Variants in SPMIP2 observed in about 807,000 individuals in gnomAD.
SPMIP2 encodes the protein protein SPMIP2.
chr4:158,957,077 G>A, the SPMIP2 span, among the ~76,000 whole-genome samples: 1 of 151,644 alleles, frequency 6.6e-6, no homozygotes, highest in Non-Finnish European at 1.5e-5. Flanking sequence ...GATTACAGGT[G>A]TGAGCCACCA....
chr4:158,974,945 T>C, the SPMIP2 span, among the ~76,000 whole-genome samples: 1 of 152,190 alleles, frequency 6.6e-6, no homozygotes, highest in African/African-American at 2.4e-5. Flanking sequence ...AGCATTCCTA[T>C]TTCTCAACAT....
chr4:158,997,065 C>A, the SPMIP2 span, among the ~76,000 whole-genome samples: 1 of 152,186 alleles, frequency 6.6e-6, no homozygotes, highest in Admixed American at 6.5e-5. Context: ...AGAAAACACA[C>A]ACACACAAAC....
the SPMIP2 span, among the ~76,000 whole-genome samples, chr4:159,056,328 T>G: frequency 1.8e-4 from 28 of 152,264 alleles, 1 homozygote; most frequent in South Asian, 1.2e-3. Context: ...TTTGTATGCC[T>G]GTTTGGAGGG....
the SPMIP2 span, among the ~76,000 whole-genome samples, chr4:159,076,700 C>T: frequency 6.6e-5 from 10 of 152,150 alleles, no homozygotes; most frequent in South Asian, 2.1e-3. Context: ...TAGAGTCTTG[C>T]TCTGTTGCCC....
At chr4:159,005,930 A>G in the SPMIP2 span, among the ~76,000 whole-genome samples, 1 of 152,144 alleles carries the variant, frequency 6.6e-6, no homozygotes, top group South Asian at 2.1e-4. Context: ...ACGCCCAGCT[A>G]ATCTTTGTAT....
At chr4:158,995,546 CA>C in the SPMIP2 span, among the ~76,000 whole-genome samples, 1 of 152,112 alleles carries the variant, frequency 6.6e-6, no homozygotes, top group Non-Finnish European at 1.5e-5. Flanking sequence ...ATCTAAAGAC[CA>C]TGCTCACCTC....
the SPMIP2 span, among the ~76,000 whole-genome samples, chr4:159,033,108 T>C: frequency 6.6e-6 from 1 of 152,168 alleles, no homozygotes; most frequent in Non-Finnish European, 1.5e-5. Flanking sequence ...TGAAATATTA[T>C]TCAGTGGTAA....
the SPMIP2 span, among the ~76,000 whole-genome samples, chr4:158,946,464 T>C: frequency 6.6e-6 from 1 of 152,162 alleles, no homozygotes; most frequent in Non-Finnish European, 1.5e-5. Context: ...GTTTCCCCCA[T>C]GCTATTCTTG....
chr4:158,944,016 T>C, the SPMIP2 span, among the ~76,000 whole-genome samples: 49 of 151,822 alleles, frequency 3.2e-4, 1 homozygote. Context: ...CCACCATGCC[T>C]GGCTAATTTT....
chr4:159,003,534 G>A, the SPMIP2 span, among the ~76,000 whole-genome samples: 1 of 152,134 alleles, frequency 6.6e-6, no homozygotes, highest in East Asian at 1.9e-4. Flanking sequence ...CCTCATGTCT[G>A]TATCTTCTAC....
the SPMIP2 span, among the ~76,000 whole-genome samples, chr4:158,941,435 T>C: frequency 6.6e-6 from 1 of 152,180 alleles, no homozygotes; most frequent in Non-Finnish European, 1.5e-5. Context: ...GGTAGGAGGA[T>C]TGCTTGAGGC....
chr4:158,991,679 T>A, the SPMIP2 span, among the ~76,000 whole-genome samples: 2 of 152,332 alleles, frequency 1.3e-5, no homozygotes, highest in African/African-American at 4.8e-5. Context: ...AGAACTACTT[T>A]GATAAAGCAT....
chr4:158,923,134 G>A, the SPMIP2 span, among the ~76,000 whole-genome samples: 1 of 152,102 alleles, frequency 6.6e-6, no homozygotes, highest in African/African-American at 2.4e-5. Context: ...CTATCTTTAT[G>A]CCAGTACCAT....
At chr4:158,947,936 C>T in the SPMIP2 span, among the ~76,000 whole-genome samples, 1 of 152,204 alleles carries the variant, frequency 6.6e-6, no homozygotes, top group Non-Finnish European at 1.5e-5. Flanking sequence ...AATTTAGATA[C>T]ATGTAGATAA....
chr4:159,023,210 A>G, the SPMIP2 span, among the ~76,000 whole-genome samples: 1 of 152,020 alleles, frequency 6.6e-6, no homozygotes, highest in Non-Finnish European at 1.5e-5. Flanking sequence ...TGAATTGGTA[A>G]ACTGAGGACA....
At chr4:159,065,696 A>G in the SPMIP2 span, among the ~76,000 whole-genome samples, 1 of 152,212 alleles carries the variant, frequency 6.6e-6, no homozygotes. Flanking sequence ...ACTAAATTCA[A>G]CTAGAAACAT....
chr4:158,926,473 A>T, the SPMIP2 span, among the ~76,000 whole-genome samples: 1 of 152,060 alleles, frequency 6.6e-6, no homozygotes, highest in Admixed American at 6.6e-5. Flanking sequence ...AATATTTACA[A>T]ATTTTTAATT....
the SPMIP2 span, among the ~76,000 whole-genome samples, chr4:158,991,201 C>A: frequency 6.9e-6 from 1 of 145,234 alleles, no homozygotes; most frequent in South Asian, 2.3e-4. Context: ...GCCCCAGAAC[C>A]AAAATGAGTG....
At chr4:158,942,092 C>A in the SPMIP2 span, among the ~76,000 whole-genome samples, 1 of 152,256 alleles carries the variant, frequency 6.6e-6, no homozygotes, top group African/African-American at 2.4e-5. Flanking sequence ...AGCCTTTAGG[C>A]TGCTAGACAG....
Sources: allele counts gnomAD v4.1 joint callset (sites outside exome capture counted in the v4.1 genomes callset), GRCh38; gene constraint gnomAD v4.1.1; transcripts MANE v1.5; gene names NCBI Gene and HGNC (gene_info 2026-07-23, HGNC 2026-07-21).